Variants in NBAS observed in about 807,000 individuals in gnomAD.
NBAS encodes NAG/BC035112 fusion.
A neutral mutation model predicts 302.5 loss-of-function variants in NBAS; 219 were observed. The observed-to-expected ratio is 0.72, with a 90% confidence interval of 0.65 to 0.81. NBAS has a LOEUF of 0.81. Ranked by LOEUF, NBAS falls within the 30% of genes least tolerant of loss-of-function variation. The probability of loss-of-function intolerance (pLI) is 0.00; values close to 1 mark genes in which losing one functional copy is unlikely to be tolerated. For missense variants in NBAS, 2,932 were observed against 2,841.6 expected (o/e 1.03, Z -0.72); for synonymous variants, 1,118 against 1,021.6 (o/e 1.09, Z -1.80).
chr2:14,938,886 TG>T, the NBAS span, among the ~76,000 whole-genome samples: 8 of 152,250 alleles, frequency 5.3e-5, no homozygotes. Flanking sequence ...AGAAGACTCT[TG>T]GCTCCAAGGA....
intron 45 of NBAS, among the ~76,000 whole-genome samples, chr2:15,237,771 A>ATTTTTTTTTT (rs765648566): frequency 1.7e-4 from 11 of 66,532 alleles, no homozygotes; most frequent in East Asian, 3.7e-4. Context: ...TAATGTTTGT[A>ATTTTTTTTTT]TTTTTTTTTT....
At chr2:15,005,849 A>G in the NBAS span, among the ~76,000 whole-genome samples, 2 of 152,252 alleles carry the variant, frequency 1.3e-5, no homozygotes, top group East Asian at 3.8e-4. Context: ...CACAGAGAGT[A>G]AGAAACTTAC....
At chr2:15,074,286 T>C in the NBAS span, among the ~76,000 whole-genome samples, 1 of 147,448 alleles carries the variant, frequency 6.8e-6, no homozygotes, top group Non-Finnish European at 1.5e-5. Context: ...TATTCCTGTA[T>C]AAAAATTAAT....
chr2:15,329,563 A>G (rs909014824), intron 36 of NBAS, among the ~76,000 whole-genome samples: 8 of 152,150 alleles, frequency 5.3e-5, no homozygotes, highest in African/African-American at 1.9e-4. Flanking sequence ...TTTCCATCTT[A>G]CTCAAAATCA....
downstream of NBAS, among the ~76,000 whole-genome samples, chr2:15,163,188 C>T (rs911802580): frequency 6.6e-6 from 1 of 152,226 alleles, no homozygotes; most frequent in Non-Finnish European, 1.5e-5. Flanking sequence ...CTCCTGCACA[C>T]TCTCGCATGT....
the NBAS span, among the ~76,000 whole-genome samples, chr2:15,071,838 T>C: frequency 1.3e-5 from 2 of 151,982 alleles, no homozygotes; most frequent in African/African-American, 2.4e-5. Context: ...CTTCTGAAGG[T>C]GAGAACAATG....
chr2:15,383,346 A>G, intron 28 of NBAS, 29 bp from the exon 29 acceptor site: 1 of 1,589,882 alleles, frequency 6.3e-7, no homozygotes, highest in Non-Finnish European at 8.6e-7. Flanking sequence ...AAGACAAGGA[A>G]GAGGGAAAGA....
At chr2:15,310,112 A>G (rs147168717) in intron 38 of NBAS, among the ~76,000 whole-genome samples, 1 of 152,272 alleles carries the variant, frequency 6.6e-6, no homozygotes, top group East Asian at 1.9e-4. Flanking sequence ...CAGAAGATTT[A>G]CCCTCCCAAT....
Position 15,366,574 on chromosome 2 carries a change from A to G in NBAS, c.3817+6T>C, listed in dbSNP as rs771043730. 17 of 1,610,900 alleles carry G rather than the reference A, an allele frequency of 1.1e-5. No homozygotes were observed. In the South Asian group the frequency reaches 1.9e-4, roughly 18 times the overall value. Reference sequence around the variant, plus strand: ...TATTCTGCAGTTTAGTACTCAAAAGACTTACCTGCAACCCTCAGCAGCTCA... The same window carrying G: ...TATTCTGCAGTTTAGTACTCAAAAGGCTTACCTGCAACCCTCAGCAGCTCA... On this transcript the variant is annotated splice_donor_region_variant and intron_variant, in intron 32 of 51. Transcript: ENST00000281513.
At chr2:14,921,829 G>A in the NBAS span, among the ~76,000 whole-genome samples, 1 of 152,160 alleles carries the variant, frequency 6.6e-6, no homozygotes. Context: ...AAATGTAATT[G>A]CTATTATACA....
intron 21 of NBAS, among the ~76,000 whole-genome samples, chr2:15,437,563 T>C (rs995068198): frequency 2.0e-5 from 3 of 152,252 alleles, no homozygotes; most frequent in South Asian, 2.1e-4. Context: ...AGGAAGACAA[T>C]GGTGTAGCTA....
the NBAS span, among the ~76,000 whole-genome samples, chr2:15,155,432 C>T: frequency 6.6e-6 from 1 of 152,128 alleles, no homozygotes; most frequent in Admixed American, 6.6e-5. Context: ...AGCACTTAAG[C>T]AAAGTGAGAA....
At chr2:14,919,296 G>C in the NBAS span, among the ~76,000 whole-genome samples, 4 of 152,142 alleles carry the variant, frequency 2.6e-5, no homozygotes, top group African/African-American at 4.8e-5. Flanking sequence ...ATAACATTAT[G>C]TCTAAAAAAT....
chr2:14,831,192 C>T, the NBAS span, among the ~76,000 whole-genome samples: 1 of 151,486 alleles, frequency 6.6e-6, no homozygotes, highest in Non-Finnish European at 1.5e-5. Context: ...AACACAAACT[C>T]TAAAAATAAT....
the NBAS span, among the ~76,000 whole-genome samples, chr2:15,149,646 T>A: frequency 0.15 from 23,412 of 151,950 alleles, 1,929 homozygotes; most frequent in South Asian, 0.34. Flanking sequence ...CCACCATGCC[T>A]GGCTAATTTT....
At chr2:15,220,513 G>A (rs1191327202) in intron 47 of NBAS, among the ~76,000 whole-genome samples, 1 of 152,128 alleles carries the variant, frequency 6.6e-6, no homozygotes, top group Non-Finnish European at 1.5e-5. Flanking sequence ...CTCTAAAAGT[G>A]AAGTATGAAT....
intron 38 of NBAS, 79 bp downstream of exon 38, chr2:15,327,671 T>C (rs1248423140): frequency 2.5e-5 from 39 of 1,563,684 alleles, no homozygotes; most frequent in Non-Finnish European, 3.4e-5. Flanking sequence ...TTCCAAACTC[T>C]TGTTCATTCA....
the NBAS span, among the ~76,000 whole-genome samples, chr2:14,932,031 G>A: frequency 1.0e-3 from 153 of 152,252 alleles, no homozygotes; most frequent in African/African-American, 3.5e-3. Context: ...AGGATTATAC[G>A]TATCACCTTA....
chr2:15,111,771 G>T, the NBAS span, among the ~76,000 whole-genome samples: 1 of 151,452 alleles, frequency 6.6e-6, no homozygotes, highest in South Asian at 2.1e-4. Flanking sequence ...AGCAAGGAAC[G>T]CTTAGAAGGT....
Sources: allele counts gnomAD v4.1 joint callset (sites outside exome capture counted in the v4.1 genomes callset), GRCh38; gene constraint gnomAD v4.1.1; transcripts MANE v1.5; gene names NCBI Gene and HGNC (gene_info 2026-07-23, HGNC 2026-07-21).